The following VPS13B variants were observed in gnomAD, a reference collection of about 807,000 sequenced individuals.
The protein encoded by VPS13B is intermembrane lipid transfer protein VPS13B.
Under a neutral mutation model 426.4 loss-of-function variants are expected in VPS13B, and 285 were observed. That is an observed-to-expected ratio of 0.67 (90% CI 0.61 to 0.74). VPS13B has a LOEUF of 0.74. VPS13B is among the 30% of genes least tolerant of loss of function. The probability of loss-of-function intolerance (pLI) is 0.00; values close to 1 mark genes in which losing one functional copy is unlikely to be tolerated. For missense variants in VPS13B, 4,537 were observed against 4,782.6 expected (o/e 0.95, Z 1.51); for synonymous variants, 1,676 against 1,676.4 (o/e 1.00, Z 0.01).
intron 12 of VPS13B, among the ~76,000 whole-genome samples, chr8:99,142,081 T>C (rs1027036012): frequency 1.3e-5 from 2 of 151,944 alleles, no homozygotes; most frequent in Non-Finnish European, 2.9e-5. Flanking sequence ...ATCAATCAAT[T>C]AATCTAATTC....
chr8:99,089,352 GT>G (rs780722590), intron 3 of VPS13B, among the ~76,000 whole-genome samples: 2 of 152,112 alleles, frequency 1.3e-5, no homozygotes, highest in Non-Finnish European at 2.9e-5. Context: ...TTTGAGACAA[GT>G]CTCAATTTAG....
chr8:99,789,251 C>T (rs983801501), intron 43 of VPS13B, among the ~76,000 whole-genome samples: 17 of 151,964 alleles, frequency 1.1e-4, no homozygotes, highest in Admixed American at 8.5e-4. Flanking sequence ...TTTACAAATC[C>T]GTTTATATAA....
chr8:99,383,562 T>G (rs1298447435), intron 19 of VPS13B, among the ~76,000 whole-genome samples: 1 of 152,208 alleles, frequency 6.6e-6, no homozygotes, highest in Non-Finnish European at 1.5e-5. Context: ...ACAATCATTT[T>G]CTAATTTCAG....
At chr8:99,079,335 C>A (rs1845315541) in intron 3 of VPS13B, among the ~76,000 whole-genome samples, 1 of 151,908 alleles carries the variant, frequency 6.6e-6, no homozygotes, top group Admixed American at 6.6e-5. Context: ...CAGATCAATT[C>A]CCAGGCCTCC....
chr8:99,311,389 C>G (rs1820964879), intron 19 of VPS13B, among the ~76,000 whole-genome samples: 1 of 152,170 alleles, frequency 6.6e-6, no homozygotes, highest in Non-Finnish European at 1.5e-5. Flanking sequence ...TCATTGGTTT[C>G]AAAGAACATC....
rs1810007360 is a variant in VPS13B, at chr8:99,135,124, A to G, written c.1412A>G (p.Asn471Ser). ...MGVKDFEENMNRSETEACFFI... is the reference protein window; with the variant it reads ...MGVKDFEENMSRSETEACFFI... ...GTTAAAGATTTTGAAGAGAATATGA[A>G]TAGAAGTGAAACTGTAAGTCCGTTT... The change falls in exon 10 of 62, where the codon AAT (asparagine) becomes AGT (serine). Residue 471 changes from asparagine (N) to serine (S), a missense_variant. This residue lies in a region of VPS13B where 4,311 missense variants were observed against 4,474.3 expected (regional missense o/e 0.96). Coordinates refer to ENST00000357162, the MANE Select transcript of VPS13B (RefSeq NM_152564.5). 4 of 1,613,436 alleles carry G rather than the reference A, an allele frequency of 2.5e-6. No individual in the cohort carries two copies. Among genetic ancestry groups the G allele is most frequent in the Non-Finnish European group, 3.4e-6 (4 of 1,179,486 alleles).
chr8:99,274,096 G>A (rs1274507129), intron 17 of VPS13B, 102 bp from the exon 18 acceptor site: 1 of 1,473,112 alleles, frequency 6.8e-7, no homozygotes, highest in Admixed American at 1.7e-5. Flanking sequence ...GAACATCTGA[G>A]GTAGACAGTT....
chr8:99,651,700 A>C (rs933822977), intron 34 of VPS13B, among the ~76,000 whole-genome samples: 2 of 152,146 alleles, frequency 1.3e-5, no homozygotes, highest in African/African-American at 4.8e-5. Context: ...GTTTAAGGTA[A>C]TGGAGTCCAG....
At chr8:99,592,584 A>G (rs1277968734) in intron 33 of VPS13B, among the ~76,000 whole-genome samples, 1 of 152,132 alleles carries the variant, frequency 6.6e-6, no homozygotes, top group Non-Finnish European at 1.5e-5. Flanking sequence ...AAATGGAACC[A>G]AAACAGAGCC....
At chr8:99,663,582 CAT>C (rs1324762834) in intron 35 of VPS13B, among the ~76,000 whole-genome samples, 3 of 152,050 alleles carry the variant, frequency 2.0e-5, no homozygotes, top group Non-Finnish European at 2.9e-5. Flanking sequence ...ATGAAAAAAA[CAT>C]ATGCTCTTTA....
chr8:99,431,686 T>C (rs1278114966), intron 22 of VPS13B, 22 bp downstream of exon 22: 1 of 1,606,418 alleles, frequency 6.2e-7, no homozygotes, highest in Admixed American at 1.7e-5. Context: ...GTTAGAAATA[T>C]TATGGATATA....
chr8:99,775,176 G>A (rs533448135), intron 40 of VPS13B, among the ~76,000 whole-genome samples: 1 of 152,236 alleles, frequency 6.6e-6, no homozygotes, highest in South Asian at 2.1e-4. Flanking sequence ...GGGTCGTTCT[G>A]TTTGGTAATT....
intron 33 of VPS13B, among the ~76,000 whole-genome samples, chr8:99,580,981 C>CAA (rs35043099): frequency 9.5e-6 from 1 of 105,648 alleles, no homozygotes; most frequent in Admixed American, 1.0e-4. Flanking sequence ...TGCATCTCTA[C>CAA]AAAACACACA....
intron 17 of VPS13B, among the ~76,000 whole-genome samples, chr8:99,243,797 G>C (rs1430831455): frequency 2.0e-5 from 3 of 152,224 alleles, no homozygotes; most frequent in Non-Finnish European, 4.4e-5. Context: ...AAGGCTTCTA[G>C]TTCTCAGCTC....
intron 33 of VPS13B, among the ~76,000 whole-genome samples, chr8:99,587,660 A>C (rs1826376588): frequency 6.6e-6 from 1 of 151,328 alleles, no homozygotes; most frequent in Non-Finnish European, 1.5e-5. Flanking sequence ...CCACTTTTTG[A>C]TGTGGTTGTT....
chr8:99,620,430 A>G (rs1251088868), intron 33 of VPS13B, among the ~76,000 whole-genome samples: 1 of 152,182 alleles, frequency 6.6e-6, no homozygotes, highest in Non-Finnish European at 1.5e-5. Flanking sequence ...GCACCAAAGT[A>G]TAATGAAATA....
intron 19 of VPS13B, among the ~76,000 whole-genome samples, chr8:99,376,518 T>A (rs938210520): frequency 6.6e-5 from 10 of 152,298 alleles, no homozygotes; most frequent in South Asian, 2.1e-4. Flanking sequence ...TATTTTTAAC[T>A]TTTTAATTAT....
chr8:99,776,731 G>A, intron 40 of VPS13B, 44 bp from the exon 41 acceptor site: 25 of 1,603,886 alleles, frequency 1.6e-5, no homozygotes, highest in Non-Finnish European at 2.0e-5. Flanking sequence ...ATAATATTGG[G>A]AAATTTTGGT....
intron 31 of VPS13B, among the ~76,000 whole-genome samples, chr8:99,565,792 C>A (rs1325502074): frequency 6.6e-6 from 1 of 152,072 alleles, no homozygotes; most frequent in African/African-American, 2.4e-5. Context: ...TTTTATCTTA[C>A]TAATTTGTGA....
Sources: gnomAD v4.1 joint callset for allele counts (sites outside exome capture counted in the v4.1 genomes callset) on GRCh38, gnomAD v4.1.1 for gene constraint, gnomAD v4.1.1 regional missense constraint, MANE v1.5 for transcripts, NCBI Gene and HGNC (gene_info 2026-07-23, HGNC 2026-07-21) for gene names.